The following RGMA variants were observed in gnomAD, a reference collection of about 807,000 sequenced individuals.
RGMA encodes repulsive guidance molecule A.
RGMA carries 10 observed loss-of-function variants against 23.2 expected under a neutral mutation model. The ratio of observed to expected loss-of-function variants is 0.43; its 90% CI spans 0.27 to 0.73. The LOEUF (loss-of-function observed/expected upper bound fraction) is 0.73. RGMA is among the 30% of genes least tolerant of loss of function. RGMA has a pLI of 0.20. For synonymous variants in RGMA, 308 were observed against 279.3 expected (o/e 1.10, Z -1.03); for missense variants, 547 against 630.5 (o/e 0.87, Z 1.42).
Position 93,066,077 on chromosome 15 carries a change from G to A in RGMA, c.130+6839C>T, listed in dbSNP as rs925934327. 28 of 1,516,334 alleles carry A rather than the reference G, an allele frequency of 1.8e-5. No individual in the cohort carries two copies. The African/African-American group carries it at 2.3e-4, about 13-fold the overall frequency. The allele number at this position is 1,516,334 out of a possible 1,614,324, so 93.9% of individuals were successfully genotyped here. A position where few individuals can be genotyped will look rare whatever the true frequency, so the allele number is the denominator to read the frequency against. On this transcript the variant is annotated intron_variant, in intron 2 of 3. Transcript: ENST00000329082. ...GGTGGTGGGGCAACTGAGGGAGGCCGGGGGATGAATCGGCGAAACTTACGT... is the reference window on the plus strand; with the variant it reads ...GGTGGTGGGGCAACTGAGGGAGGCCAGGGGATGAATCGGCGAAACTTACGT...
chr15:93,073,434 C>G, intron 1 of RGMA: 1 of 853,620 alleles, frequency 1.2e-6, no homozygotes, highest in East Asian at 3.1e-5. Context: ...CGCGGCTGTC[C>G]TTGCAAACCA....
At chr15:93,075,502 A>T (rs886360178) in intron 1 of RGMA, among the ~76,000 whole-genome samples, 8 of 152,204 alleles carry the variant, frequency 5.3e-5, no homozygotes, top group Non-Finnish European at 1.0e-4. Context: ...AACTGAGATA[A>T]CCCCCAGAGA....
rs2054685321 is a variant in RGMA at position 93,038,569 on chromosome 15, G to GCTTTTTTTTTTTTTTTTTTTTTTTT, written c.*6428_*6429insAAAAAAAAAAAAAAAAAAAAAAAAG. ...GCCTTAATGAACGAAACTGTTAGTT[G>GCTTTTTTTTTTTTTTTTTTTTTTTT]TTTTTTTTTTTTTTTTGAGACGGTG... On this transcript the variant is annotated 3_prime_UTR_variant, in exon 4 of 4. Coordinates refer to ENST00000329082, the MANE Select transcript of RGMA (RefSeq NM_020211.3). 1.0e-5 allele frequency: 1 copy of GCTTTTTTTTTTTTTTTTTTTTTTTT among 100,224 alleles called. No homozygotes were observed. The highest frequency in any genetic ancestry group is 2.3e-5 in the Non-Finnish European group (1 of 42,826). The allele number at this position is 100,224 out of a possible 1,614,324, so 6.2% of individuals were successfully genotyped here.
intron 1 of RGMA, among the ~76,000 whole-genome samples, chr15:93,083,317 A>G (rs954983777): frequency 6.6e-6 from 1 of 152,150 alleles, no homozygotes; most frequent in African/African-American, 2.4e-5. Flanking sequence ...TGTTTCAGGA[A>G]AGCAAGAGAA....
chr15:93,088,228 C>A (rs981598794), intron 1 of RGMA: 1 of 892,250 alleles, frequency 1.1e-6, no homozygotes, highest in Non-Finnish European at 1.3e-6. Flanking sequence ...CCGAGCGTCC[C>A]CCACACCCGC....
Position 93,043,980 on chromosome 15 carries a change from G to A in RGMA, c.*1018C>T, listed in dbSNP as rs1044681178. On this transcript the variant is annotated 3_prime_UTR_variant, in exon 4 of 4. Coordinates refer to ENST00000329082, the MANE Select transcript of RGMA (RefSeq NM_020211.3). ...TGGCTGTGTGGCCACAGGGCTTAAG[G>A]GAAGAGATTAGAGGTTGAAGACCCT... is the stretch of plus-strand genomic sequence containing the variant. The A allele has an allele frequency of 6.6e-6, 1 of 152,526 alleles. No homozygotes were observed. The highest frequency in any genetic ancestry group is 1.5e-5 in the Non-Finnish European group (1 of 68,306). 9.4% of individuals were successfully genotyped at this position (152,526 alleles called of 1,614,324 possible).
intron 2 of RGMA, among the ~76,000 whole-genome samples, chr15:93,061,193 C>T (rs935743550): frequency 2.6e-5 from 4 of 152,222 alleles, no homozygotes; most frequent in Non-Finnish European, 5.9e-5. Flanking sequence ...GTCACTCTGT[C>T]GCCCAGGCTG....
intron 2 of RGMA, among the ~76,000 whole-genome samples, chr15:93,059,877 T>TA (rs1197485312): frequency 1.3e-5 from 2 of 152,196 alleles, no homozygotes; most frequent in Non-Finnish European, 2.9e-5. Context: ...CAATAAACCT[T>TA]AGACTTTTCT....
In RGMA at chr15:93,042,369, GA is replaced by G. The variant is rs2054735529; in HGVS notation, c.*2628del. On this transcript the variant is annotated 3_prime_UTR_variant, in exon 4 of 4. Transcript: ENST00000329082. ...ATAATACCACCCCCTCCCTCCCCAC[GA>G]CCAGACAAGCCATGTGTGCCCCGCC... 1 of 151,444 alleles carries G rather than the reference GA, an allele frequency of 6.6e-6. No individual in the cohort carries two copies. The highest frequency in any genetic ancestry group is 1.5e-5 in the Non-Finnish European group (1 of 67,942). 9.4% of individuals were successfully genotyped at this position (151,444 alleles called of 1,614,324 possible).
intron 2 of RGMA, among the ~76,000 whole-genome samples, chr15:93,054,639 C>T (rs983651767): frequency 2.0e-5 from 3 of 152,190 alleles, no homozygotes; most frequent in African/African-American, 7.2e-5. Context: ...GTCCATTAAA[C>T]CTCTTTCCTT....
At chr15:93,059,112 G>A (rs1240113673) in intron 2 of RGMA, among the ~76,000 whole-genome samples, 2 of 152,064 alleles carry the variant, frequency 1.3e-5, no homozygotes, top group African/African-American at 2.4e-5. Flanking sequence ...CAAGTGGAAG[G>A]GCTGGGGCTG....
Position 93,045,243 on chromosome 15 carries a change from C to T in RGMA, c.1108G>A (p.Val370Met), listed in dbSNP as rs764847796. 6.2e-7 allele frequency: 1 copy of T among 1,613,102 alleles called. No individual in the cohort carries two copies. The highest frequency in any genetic ancestry group is 8.5e-7 in the Non-Finnish European group (1 of 1,179,744). The change falls in exon 4 of 4, where the codon GTG becomes ATG. Residue 370 changes from valine (V) to methionine (M), a missense_variant. By Grantham distance (21) the Val-to-Met change is conservative. Transcript: ENST00000329082. This position sits in a 1 kb window ranked among gnomAD's most constrained non-coding sequence, Gnocchi z 6.9. The part of the protein sequence containing the change: ...AVAKCKEKLP[V>M]EDLYYQACVF... ...CAGGCCTGGTAGTACAGGTCCTCCA[C>T]CGGCAGCTTCTCCTTGCACTTGGCC...
intron 1 of RGMA, among the ~76,000 whole-genome samples, chr15:93,076,625 T>G (rs984577163): frequency 1.3e-5 from 2 of 152,188 alleles, no homozygotes; most frequent in Non-Finnish European, 2.9e-5. Flanking sequence ...TAATGGCTAA[T>G]ATTTTGACGT....
chr15:93,074,334 G>A (rs1433636417), intron 1 of RGMA, among the ~76,000 whole-genome samples: 1 of 152,212 alleles, frequency 6.6e-6, no homozygotes, highest in Non-Finnish European at 1.5e-5. Flanking sequence ...GGCTGCAGCT[G>A]CATTTGGGGT....
chr15:93,081,514 C>A (rs756890364), intron 1 of RGMA, among the ~76,000 whole-genome samples: 1 of 152,204 alleles, frequency 6.6e-6, no homozygotes, highest in African/African-American at 2.4e-5. Context: ...TATGCATACA[C>A]AAGACACACC....
chr15:93,084,702 A>G (rs955330342), intron 1 of RGMA, among the ~76,000 whole-genome samples: 1 of 152,114 alleles, frequency 6.6e-6, no homozygotes, highest in Admixed American at 6.5e-5. Flanking sequence ...CGAACCCCTG[A>G]CCTCAAGTGA....
chr15:93,059,423 G>A (rs2055067089), intron 2 of RGMA, among the ~76,000 whole-genome samples: 1 of 152,188 alleles, frequency 6.6e-6, no homozygotes, highest in South Asian at 2.1e-4. Flanking sequence ...CTTGGATCCA[G>A]CTCTGCAGAT....
chr15:93,086,326 G>A (rs547868226), intron 1 of RGMA, among the ~76,000 whole-genome samples: 1 of 152,320 alleles, frequency 6.6e-6, no homozygotes, highest in African/African-American at 2.4e-5. Context: ...GCTGCTTTCA[G>A]ATAATCCTTC....
chr15:93,087,464 CAAAAAAA>C (rs60714695), intron 1 of RGMA, among the ~76,000 whole-genome samples: 10 of 74,524 alleles, frequency 1.3e-4, no homozygotes, highest in Middle Eastern at 0.011. Context: ...TTTGTATGTG[CAAAAAAA>C]AAAAAAAAAA....
Sources: allele counts gnomAD v4.1 joint callset (sites outside exome capture counted in the v4.1 genomes callset), GRCh38; gene constraint gnomAD v4.1.1; non-coding constraint Gnocchi (gnomAD v3.1); transcripts MANE v1.5; gene names NCBI Gene and HGNC (gene_info 2026-07-23, HGNC 2026-07-21).